The following DIP2A variants were observed in gnomAD, a reference collection of about 807,000 sequenced individuals.
DIP2A encodes disco-interacting protein 2 homolog A.
Under a neutral mutation model 177.4 loss-of-function variants are expected in DIP2A, and 85 were observed. The ratio of observed to expected loss-of-function variants is 0.48; its 90% confidence interval spans 0.40 to 0.57. DIP2A has a LOEUF of 0.57. DIP2A is among the 20% of genes least tolerant of loss of function. The probability of loss-of-function intolerance (pLI) is 0.00; values close to 1 mark genes in which losing one functional copy is unlikely to be tolerated. For synonymous variants in DIP2A, 886 were observed against 881.8 expected (o/e 1.00, Z -0.08); for missense variants, 1,791 against 2,100.2 (o/e 0.85, Z 2.88).
Position 46,459,051 on chromosome 21 carries a change from A to C in DIP2A, c.-81A>C. The C allele has an allele frequency of 1.7e-6, 2 of 1,163,664 alleles. No homozygotes were observed. The highest frequency in any genetic ancestry group is 2.3e-6 in the Non-Finnish European group (2 of 877,230). 72.1% of individuals were successfully genotyped at this position (1,163,664 alleles called of 1,614,324 possible). A position where few individuals can be genotyped will look rare whatever the true frequency, so the allele number is the denominator to read the frequency against. On this transcript the variant is annotated 5_prime_UTR_variant, in exon 1 of 38. Transcript: ENST00000417564. ...GGATGTAGGTTGTTGGCCTGAGGGG[A>C]GCTACGTAGCCGAGGTTTGCGCTGC...
In DIP2A at chr21:46,477,571, T is replaced by TGTGTG. The variant is rs762054063; in HGVS notation, c.92-7186_92-7185insGTGTG. On this transcript the variant is annotated intron_variant, in intron 1 of 37. Transcript: ENST00000417564. ...TGTGTGTGTGTGTGTGTGTGTGTAT[T>TGTGTG]TCTTTTTTTTTTTTTTTCTTGAGTC... Among the ~76,000 whole-genome samples, 215 of 66,566 alleles carry TGTGTG rather than the reference T, an allele frequency of 3.2e-3. 4 individuals are homozygous for TGTGTG. Among genetic ancestry groups the TGTGTG allele is most frequent in the African/African-American group, 6.4e-3 (80 of 12,576 alleles). 43.7% of individuals were successfully genotyped at this position (66,566 alleles called of 152,430 possible). A position where few individuals can be genotyped will look rare whatever the true frequency, so the allele number is the denominator to read the frequency against.
At chr21:46,511,303 A>T in intron 7 of DIP2A, 114 bp from the exon 8 acceptor site, 1 of 1,141,948 alleles carries the variant, frequency 8.8e-7, no homozygotes, top group Non-Finnish European at 1.2e-6. Flanking sequence ...AATTATTGTA[A>T]GCTTTTTTAT....
intron 3 of DIP2A, among the ~76,000 whole-genome samples, chr21:46,496,703 A>G (rs1379643813): frequency 6.6e-6 from 1 of 152,212 alleles, no homozygotes; most frequent in African/African-American, 2.4e-5. Context: ...TAAACCAACA[A>G]CTAGATACAC....
rs1294014743 is a variant in DIP2A at position 46,554,275 on chromosome 21, C to G, written c.3137C>G (p.Ala1046Gly). The G allele has an allele frequency of 1.2e-6, 2 of 1,613,920 alleles. No individual in the cohort carries two copies. The highest frequency in any genetic ancestry group is 3.3e-5 in the Admixed American group (2 of 60,024). The change falls in exon 26 of 38, where the codon GCT (alanine) becomes GGT (glycine). Residue 1046 changes from alanine to glycine, a missense_variant. By Grantham distance (60) the Ala-to-Gly change is moderately conservative. Transcript: ENST00000417564. ...KGRLSVGDHV[A>G]LVYPPGVDLI... ...AGACTGAGTGTTGGGGACCATGTGG[C>G]TCTGGTCTACCCACCAGGTGGGCTC...
rs187233482 is a variant in DIP2A, at chr21:46,478,042, T to G, written c.92-6715T>G. The stretch of plus-strand genomic sequence containing the variant: ...CTGCTTCGGACTGATTTCTGCTGTG[T>G]TGTTCTACTTGCTTATCTTAGCACC... On this transcript the variant is annotated intron_variant, in intron 1 of 37. Coordinates refer to ENST00000417564, the MANE Select transcript of DIP2A (RefSeq NM_015151.4). 7.2e-5 allele frequency among the ~76,000 whole-genome samples: 11 copies of G among 152,318 alleles called. No homozygotes were observed. In the East Asian group the frequency reaches 1.7e-3, roughly 24 times the overall value.
At chr21:46,536,674 C>T (rs1370275708) in intron 13 of DIP2A, among the ~76,000 whole-genome samples, 3 of 152,246 alleles carry the variant, frequency 2.0e-5, no homozygotes, top group Admixed American at 1.3e-4. Context: ...GAGGCTGAGA[C>T]GGGCAGATCA....
chr21:46,549,837 G>A lies in DIP2A; in HGVS notation c.2589G>A (p.Pro863=), dbSNP rs775298807. The part of the protein sequence containing the change: ...DRIVLVAEQR[P]DASEEDSFQW... ...TTGTCCTGGTGGCTGAGCAGCGGCCGGATGCCTCGGAGGAGGACAGCTTCC... is the reference window on the plus strand; with the variant it reads ...TTGTCCTGGTGGCTGAGCAGCGGCCAGATGCCTCGGAGGAGGACAGCTTCC... Residue 863 remains proline, a synonymous_variant, in exon 22 of 38, where the codon CCG becomes CCA. Transcript: ENST00000417564. The A allele has an allele frequency of 3.5e-5, 57 of 1,612,990 alleles. No homozygotes were observed. The highest frequency in any genetic ancestry group is 1.6e-4 in the Middle Eastern group (1 of 6,084).
chr21:46,495,132 T>C (rs905553876), intron 3 of DIP2A, among the ~76,000 whole-genome samples: 1 of 152,058 alleles, frequency 6.6e-6, no homozygotes, highest in South Asian at 2.1e-4. Context: ...CATCTCTCTC[T>C]CTCCCTCCCT....
chr21:46,534,250 A>G (rs2148771649), intron 12 of DIP2A, 137 bp downstream of exon 12: 1 of 693,716 alleles, frequency 1.4e-6, no homozygotes, highest in Non-Finnish European at 2.4e-6. Context: ...CTGCCCTGGA[A>G]ATACAGAGTG....
rs1001225576 is a variant in DIP2A, at chr21:46,461,390, T to C, written c.91+2168T>C. On this transcript the variant is annotated intron_variant, in intron 1 of 37. Coordinates refer to ENST00000417564, the MANE Select transcript of DIP2A (RefSeq NM_015151.4). ...GGAATGGGTTTGACAGGATCTACTG[T>C]ACTGCATTTGTTAAGGCTCTTTAGG... is the stretch of plus-strand genomic sequence containing the variant. Among the ~76,000 whole-genome samples the C allele has an allele frequency of 3.9e-5, 6 of 151,928 alleles. No homozygotes were observed. The East Asian group carries it at 9.7e-4, about 25-fold the overall frequency.
rs1444493141 is a variant in DIP2A, at chr21:46,511,597, T to C, written c.1085T>C (p.Val362Ala). ...GCCTTGGATACAACTGGGAAAGCCG[T>C]CTACACTCTCACCTATGGCAAGTGT... ...LTALDTTGKA[V>A]YTLTYGKLWS... Residue 362 changes from valine (V) to alanine (A), a missense_variant, in exon 8 of 38, where the codon GTC becomes GCC. Transcript: ENST00000417564. 1 of 1,548,786 alleles carries C rather than the reference T, an allele frequency of 6.5e-7. No homozygotes were observed. The highest frequency in any genetic ancestry group is 8.7e-7 in the Non-Finnish European group (1 of 1,151,194).
At chr21:46,571,122 G>T (rs894995876), downstream of DIP2A, among the ~76,000 whole-genome samples, 1 of 152,178 alleles carries the variant, frequency 6.6e-6, no homozygotes, top group Non-Finnish European at 1.5e-5. Context: ...CAGATCAGTG[G>T]TGACATTAGA....
intron 3 of DIP2A, among the ~76,000 whole-genome samples, chr21:46,496,274 A>G (rs1054554845): frequency 6.6e-6 from 1 of 152,078 alleles, no homozygotes; most frequent in Non-Finnish European, 1.5e-5. Context: ...GAATCAGACT[A>G]TTAAGTGCTT....
At position 46,557,538 on chromosome 21, in the gene DIP2A, G is replaced by A. The variant is rs1160442418; in HGVS notation, c.3630-47G>A. On this transcript the variant is annotated intron_variant, in intron 30 of 37. Transcript: ENST00000417564. The surrounding 1 kb of genome is among the most constrained non-coding windows in gnomAD (Gnocchi z 6.0). ...GAGGAAGGGAAGAGTGGAGTGCCCA[G>A]GGTGCTGGGTGGGCGGGCGGAGCCT... 4 of 1,572,962 alleles carry A rather than the reference G, an allele frequency of 2.5e-6. No individual in the cohort carries two copies. The highest frequency in any genetic ancestry group is 2.6e-6 in the Non-Finnish European group (3 of 1,154,196).
At chr21:46,468,301 G>A (rs1304926501) in intron 1 of DIP2A, among the ~76,000 whole-genome samples, 1 of 144,004 alleles carries the variant, frequency 6.9e-6, no homozygotes, top group Non-Finnish European at 1.5e-5. Context: ...GGTGGTGCAC[G>A]CCTATAATCC....
At chr21:46,484,915 G>T in intron 2 of DIP2A, 87 bp downstream of exon 2, 3 of 1,318,398 alleles carry the variant, frequency 2.3e-6, no homozygotes, top group Non-Finnish European at 3.0e-6. Flanking sequence ...TTTAACATTT[G>T]TTAGCAATGT....
intron 31 of DIP2A, 124 bp from the exon 32 acceptor site, chr21:46,558,099 G>A (rs1319459599): frequency 4.5e-5 from 44 of 988,274 alleles, no homozygotes; most frequent in South Asian, 1.8e-4. Context: ...CACAGCCTGC[G>A]GAGAGGAGGT....
At chr21:46,552,703 C>T (rs1213402116) in intron 25 of DIP2A, among the ~76,000 whole-genome samples, 1 of 152,170 alleles carries the variant, frequency 6.6e-6, no homozygotes, top group East Asian at 1.9e-4. Context: ...AAAAGGACCC[C>T]TACTCTCAGG....
Position 46,534,106 on chromosome 21 carries a change from A to T in DIP2A, c.1532A>T (p.Tyr511Phe). The change falls in exon 12 of 38, where the codon TAC (tyrosine) becomes TTC (phenylalanine). Residue 511 changes from tyrosine to phenylalanine, a missense_variant. Coordinates refer to ENST00000417564, the MANE Select transcript of DIP2A (RefSeq NM_015151.4). ...CAGGACACAGGGACTGGGACTGCCT[A>T]CATTGAGGTAATGACTGTTCCTAAC... ...LAQDTGTGTAYIEYKTSKEGS... is the reference protein window; with the variant it reads ...LAQDTGTGTAFIEYKTSKEGS... The T allele has an allele frequency of 1.2e-6, 2 of 1,612,456 alleles. No individual in the cohort carries two copies. Among genetic ancestry groups the T allele is most frequent in the Non-Finnish European group, 1.7e-6 (2 of 1,178,616 alleles).
Sources: gnomAD v4.1 joint callset for allele counts (sites outside exome capture counted in the v4.1 genomes callset) on GRCh38, gnomAD v4.1.1 for gene constraint, Gnocchi (gnomAD v3.1) non-coding constraint, MANE v1.5 for transcripts, NCBI Gene and HGNC (gene_info 2026-07-23, HGNC 2026-07-21) for gene names.